Variants in NECAP2 observed in about 807,000 individuals in gnomAD.
NECAP2 encodes NECAP endocytosis associated 2, also known as adaptin ear-binding coat-associated protein 2.
A neutral mutation model predicts 37.8 loss-of-function variants in NECAP2; 38 were observed. The observed-to-expected ratio is 1.01, with a 90% CI of 0.78 to 1.32. The LOEUF (loss-of-function observed/expected upper bound fraction) is 1.32. Among genes scored for constraint, NECAP2 ranks in the 40% most tolerant of loss-of-function variants. The pLI is 0.00. For synonymous variants in NECAP2, 121 were observed against 127.7 expected (o/e 0.95, Z 0.35); for missense variants, 316 against 334.5 (o/e 0.94, Z 0.43).
chr1:16,456,011 G>T, intron 7 of NECAP2, 118 bp downstream of exon 7: 1 of 691,160 alleles, frequency 1.4e-6, no homozygotes, highest in Non-Finnish European at 2.4e-6. Context: ...TTTTAATTTG[G>T]ATGTTTTCTT....
intron 1 of NECAP2, among the ~76,000 whole-genome samples, chr1:16,442,299 A>G (rs1455621719): frequency 1.3e-5 from 2 of 151,992 alleles, no homozygotes; most frequent in Non-Finnish European, 2.9e-5. Context: ...CTTTAGTAGG[A>G]TGGATTTGGT....
intron 5 of NECAP2, chr1:16,449,656 G>C (rs2086812792): frequency 5.5e-6 from 1 of 181,452 alleles, no homozygotes; most frequent in South Asian, 1.1e-4. Flanking sequence ...CTAGCTATTA[G>C]AGTGCATCAG....
intron 7 of NECAP2, among the ~76,000 whole-genome samples, chr1:16,458,608 AAAC>A (rs1431193731): frequency 6.6e-6 from 1 of 151,946 alleles, no homozygotes; most frequent in African/African-American, 2.4e-5. Context: ...ACAAAACAAA[AAAC>A]AAAACCACAA....
intron 6 of NECAP2, 52 bp downstream of exon 6, chr1:16,452,067 C>G: frequency 6.7e-7 from 1 of 1,496,724 alleles, no homozygotes. Context: ...CTCCTCTTCT[C>G]CCTGGCAGCC....
intron 6 of NECAP2, 84 bp downstream of exon 6, chr1:16,452,099 G>A (rs904237965): frequency 1.8e-5 from 24 of 1,360,096 alleles, no homozygotes; most frequent in South Asian, 1.1e-4. Flanking sequence ...TTTCCCCCCC[G>A]TTACACACAT....
intron 7 of NECAP2, 90 bp from the exon 8 acceptor site, chr1:16,458,752 C>G: frequency 1.4e-6 from 2 of 1,385,832 alleles, no homozygotes; most frequent in Non-Finnish European, 2.0e-6. Flanking sequence ...CTTCTTAGAG[C>G]TTTTTCTGTC....
chr1:16,441,529 G>T (rs1042070977), intron 1 of NECAP2: 1 of 152,100 alleles, frequency 6.6e-6, no homozygotes, highest in African/African-American at 2.4e-5. Flanking sequence ...TTTCCCTTTT[G>T]TGCTGTTTGC....
intron 7 of NECAP2, 100 bp from the exon 8 acceptor site, chr1:16,458,742 C>A: frequency 8.0e-7 from 1 of 1,247,450 alleles, no homozygotes; most frequent in Non-Finnish European, 1.1e-6. Context: ...TAGGAACTGG[C>A]TTCTTAGAGC....
At position 16,455,905 on chromosome 1, in the gene NECAP2, C is replaced by T. The variant is rs1358908781; in HGVS notation, c.743+12C>T. ...ACCAAATCTACAGGGTAAGGAGGGC[C>T]ATGTTCTGCGGAGGGGCTGGGGCCA... On this transcript the variant is annotated intron_variant, in intron 7 of 7. Transcript: ENST00000337132. 1.2e-6 allele frequency: 2 copies of T among 1,611,442 alleles called. No homozygotes were observed. The highest frequency in any genetic ancestry group is 3.3e-5 in the Admixed American group (2 of 60,024).
At chr1:16,449,858 A>G (rs1204867188) in intron 5 of NECAP2, 1 of 212,552 alleles carries the variant, frequency 4.7e-6, no homozygotes. Context: ...GTTCATAGGA[A>G]CAGGTTGGGC....
chr1:16,444,426 G>C (rs2086732179), intron 2 of NECAP2, among the ~76,000 whole-genome samples: 1 of 152,212 alleles, frequency 6.6e-6, no homozygotes, highest in Non-Finnish European at 1.5e-5. Context: ...TTGTAGAGCA[G>C]AAGAGAAAGT....
intron 6 of NECAP2, among the ~76,000 whole-genome samples, chr1:16,453,600 T>C (rs887250939): frequency 6.6e-6 from 1 of 152,152 alleles, no homozygotes. Context: ...GTGATTCTTC[T>C]GCTTCAGCCT....
chr1:16,449,445 G>A (rs2086809878), intron 5 of NECAP2: 2 of 463,618 alleles, frequency 4.3e-6, no homozygotes, highest in Non-Finnish European at 7.7e-6. Context: ...ATGACTAAGG[G>A]ATGCCCTGGG....
intron 5 of NECAP2, chr1:16,450,884 G>T (rs2086832399): frequency 6.6e-6 from 1 of 152,200 alleles, no homozygotes; most frequent in Non-Finnish European, 1.5e-5. Flanking sequence ...GGAGGTGGAG[G>T]TTGCAGTGAG....
At chr1:16,449,373 G>A in intron 5 of NECAP2, 172 bp downstream of exon 5, 1 of 567,506 alleles carries the variant, frequency 1.8e-6, no homozygotes. Context: ...TTCTCATGGA[G>A]CTCAGAGTTG....
intron 2 of NECAP2, among the ~76,000 whole-genome samples, chr1:16,446,655 T>C (rs1486208623): frequency 6.6e-6 from 1 of 152,036 alleles, no homozygotes; most frequent in African/African-American, 2.4e-5. Context: ...GGGATCCTCC[T>C]GCCTCAGCCT....
At chr1:16,445,292 A>G (rs965171200) in intron 2 of NECAP2, among the ~76,000 whole-genome samples, 3 of 152,196 alleles carry the variant, frequency 2.0e-5, no homozygotes, top group Non-Finnish European at 2.9e-5. Flanking sequence ...AGGCTTTCTC[A>G]GCTTCAGCAC....
intron 2 of NECAP2, among the ~76,000 whole-genome samples, chr1:16,445,673 A>C (rs1482517893): frequency 6.6e-6 from 1 of 152,094 alleles, no homozygotes; most frequent in Non-Finnish European, 1.5e-5. Flanking sequence ...GGAGGCCAAG[A>C]CAGGTGGATC....
At chr1:16,442,081 C>A (rs906538282) in intron 1 of NECAP2, among the ~76,000 whole-genome samples, 31 of 151,596 alleles carry the variant, frequency 2.0e-4, no homozygotes, top group Middle Eastern at 6.8e-3. Context: ...CGGATTCAAG[C>A]GATTCTCCTG....
Sources: gnomAD v4.1 joint callset for allele counts (sites outside exome capture counted in the v4.1 genomes callset) on GRCh38, gnomAD v4.1.1 for gene constraint, MANE v1.5 for transcripts, NCBI Gene and HGNC (gene_info 2026-07-23, HGNC 2026-07-21) for gene names.